SLC41A2: variants seen among roughly 807,000 people sequenced by gnomAD.
SLC41A2 encodes the protein solute carrier family 41 member 2.
SLC41A2 carries 32 observed loss-of-function variants against 58.3 expected under a neutral mutation model. The ratio of observed to expected loss-of-function variants is 0.55; its 90% CI spans 0.41 to 0.74. The LOEUF (loss-of-function observed/expected upper bound fraction) is 0.74, where lower values mean the gene tolerates loss of function less well. Ranked by LOEUF, SLC41A2 falls within the 30% of genes least tolerant of loss-of-function variation. The probability of loss-of-function intolerance (pLI) is 0.00; values close to 1 mark genes in which losing one functional copy is unlikely to be tolerated. For synonymous variants in SLC41A2, 190 were observed against 235.0 expected (o/e 0.81, Z 1.75); for missense variants, 514 against 680.6 (o/e 0.76, Z 2.72).
At chr12:104,946,128 A>G (rs2047710982) in intron 1 of SLC41A2, among the ~76,000 whole-genome samples, 1 of 152,222 alleles carries the variant, frequency 6.6e-6, no homozygotes, top group Non-Finnish European at 1.5e-5. Context: ...CATATTAAGC[A>G]TTATTCCCAG....
At chr12:104,925,565 G>GA (rs11455348) in intron 2 of SLC41A2, among the ~76,000 whole-genome samples, 109,150 of 149,760 alleles carry the variant, frequency 0.73, 40,745 homozygotes, top group African/African-American at 0.92. Flanking sequence ...CTCAAAAAAA[G>GA]AAAAAAAAAA....
At chr12:104,941,978 C>G (rs2047527369) in intron 1 of SLC41A2, among the ~76,000 whole-genome samples, 1 of 151,984 alleles carries the variant, frequency 6.6e-6, no homozygotes, top group Admixed American at 6.6e-5. Context: ...AAACAATTAC[C>G]AAAAGTATTA....
intron 6 of SLC41A2, among the ~76,000 whole-genome samples, chr12:104,884,092 C>T (rs1049048765): frequency 2.0e-5 from 3 of 152,246 alleles, no homozygotes; most frequent in African/African-American, 7.2e-5. Context: ...GCAGTTCCAT[C>T]TCAGACTGCT....
chr12:104,955,565 C>T (rs970094036), intron 1 of SLC41A2, among the ~76,000 whole-genome samples: 1 of 152,200 alleles, frequency 6.6e-6, no homozygotes, highest in Non-Finnish European at 1.5e-5. Flanking sequence ...AGAATTGAGC[C>T]TAGTCTTCCT....
chr12:104,809,321 T>A (rs898649643), intron 10 of SLC41A2, among the ~76,000 whole-genome samples: 7 of 152,178 alleles, frequency 4.6e-5, no homozygotes, highest in African/African-American at 1.7e-4. Flanking sequence ...AGGCCGTGGG[T>A]GTGAGGCATT....
chr12:104,912,704 C>A (rs116646181), intron 2 of SLC41A2, among the ~76,000 whole-genome samples: 3 of 152,164 alleles, frequency 2.0e-5, no homozygotes, highest in African/African-American at 7.2e-5. Flanking sequence ...AGGAGATCAC[C>A]GGAACCCCAG....
chr12:104,866,517 TC>T lies in SLC41A2; in HGVS notation c.1089del (p.Trp363Ter). 1 of 1,607,456 alleles carries T rather than the reference TC, an allele frequency of 6.2e-7. No homozygotes were observed. Among genetic ancestry groups the T allele is most frequent in the Non-Finnish European group, 8.5e-7 (1 of 1,178,498 alleles). On this transcript the variant is annotated frameshift_variant, in exon 7 of 11. Coordinates refer to ENST00000258538, the MANE Select transcript of SLC41A2 (RefSeq NM_001352171.3). LOFTEE classifies it high-confidence loss of function. ...GVFFLALTPI[W>X]IIIAAKHPAT... is the part of the protein sequence containing the mutation. ...GCTGGATGTTTGGCAGCTATTATAA[TC>T]CAAATAGGGGTTAGAGCCAAGAAAA...
At chr12:104,894,344 C>A (rs552899857) in intron 4 of SLC41A2, among the ~76,000 whole-genome samples, 44 of 150,386 alleles carry the variant, frequency 2.9e-4, no homozygotes, top group African/African-American at 1.1e-3. Flanking sequence ...CAGAGCAAGA[C>A]CCTGCCTCAA....
intron 1 of SLC41A2, among the ~76,000 whole-genome samples, chr12:104,932,624 CAAAAAAA>C (rs544329617): frequency 2.0e-4 from 9 of 46,070 alleles, no homozygotes; most frequent in African/African-American, 6.9e-4. Flanking sequence ...GACTTTGTCT[CAAAAAAA>C]AAAAAAAAAA....
intron 10 of SLC41A2, among the ~76,000 whole-genome samples, chr12:104,840,616 T>TA (rs2042377297): frequency 6.6e-6 from 1 of 152,232 alleles, no homozygotes; most frequent in Non-Finnish European, 1.5e-5. Context: ...CTAGCTACTC[T>TA]GATTGCTCTT....
In SLC41A2 at chr12:104,859,897, T is replaced by C. The variant is rs538313840; in HGVS notation, c.1255+1394A>G. On this transcript the variant is annotated intron_variant, in intron 8 of 10. Transcript: ENST00000258538. ...GACTACAGGCGTGTACCACCATGCCTGTAAAAATATAATTTTTATATTTTT... is the reference window on the plus strand; with the variant it reads ...GACTACAGGCGTGTACCACCATGCCCGTAAAAATATAATTTTTATATTTTT... 2.0e-5 allele frequency among the ~76,000 whole-genome samples: 3 copies of C among 152,010 alleles called. No homozygotes were observed. The East Asian group carries it at 5.8e-4, about 29-fold the overall frequency.
chr12:104,957,490 GAAT>G (rs1180148852), intron 1 of SLC41A2, among the ~76,000 whole-genome samples: 1 of 152,148 alleles, frequency 6.6e-6, no homozygotes, highest in African/African-American at 2.4e-5. Flanking sequence ...CACTTTAGAA[GAAT>G]GAGTTTTATG....
At chr12:104,854,739 A>G (rs956429227) in intron 8 of SLC41A2, among the ~76,000 whole-genome samples, 9 of 151,972 alleles carry the variant, frequency 5.9e-5, no homozygotes, top group Non-Finnish European at 8.8e-5. Context: ...TGCCATCCAA[A>G]TATTATTAAT....
chr12:104,926,048 A>G (rs1166728001), intron 2 of SLC41A2, among the ~76,000 whole-genome samples: 1 of 152,150 alleles, frequency 6.6e-6, no homozygotes, highest in African/African-American at 2.4e-5. Context: ...GTTTCTATTT[A>G]TGTATATTTT....
At chr12:104,845,818 T>G (rs1365764822) in intron 9 of SLC41A2, 25 bp downstream of exon 9, 1 of 1,586,570 alleles carries the variant, frequency 6.3e-7, no homozygotes, top group Admixed American at 1.7e-5. Flanking sequence ...TGATCTAAAA[T>G]ATGCAAAAAT....
chr12:104,921,650 G>A (rs2046602284), intron 2 of SLC41A2, among the ~76,000 whole-genome samples: 1 of 152,104 alleles, frequency 6.6e-6, no homozygotes, highest in South Asian at 2.1e-4. Context: ...ACACACTAAT[G>A]TGCAAAAAGA....
chr12:104,819,388 T>C (rs1037014384), intron 10 of SLC41A2, among the ~76,000 whole-genome samples: 40 of 152,154 alleles, frequency 2.6e-4, no homozygotes, highest in Non-Finnish European at 3.8e-4. Context: ...AATGGTTACG[T>C]TAGAAAAGAA....
At chr12:104,957,180 AAC>A (rs869194584) in intron 1 of SLC41A2, among the ~76,000 whole-genome samples, 1 of 76,132 alleles carries the variant, frequency 1.3e-5, no homozygotes, top group Non-Finnish European at 3.5e-5. Context: ...ACACTGATAC[AAC>A]AATATTAATA....
chr12:104,864,994 C>T (rs1593023395), intron 7 of SLC41A2, among the ~76,000 whole-genome samples: 1 of 151,896 alleles, frequency 6.6e-6, no homozygotes, highest in African/African-American at 2.4e-5. Context: ...GTTTAAGGGG[C>T]ACTGCAAGGC....
Sources: gnomAD v4.1 joint callset for allele counts (sites outside exome capture counted in the v4.1 genomes callset) on GRCh38, gnomAD v4.1.1 for gene constraint, MANE v1.5 for transcripts, NCBI Gene and HGNC (gene_info 2026-07-23, HGNC 2026-07-21) for gene names.